PAAF1: variants seen among roughly 807,000 people sequenced by gnomAD.
PAAF1 encodes proteasomal ATPase-associated factor 1.
A neutral mutation model predicts 52.8 loss-of-function variants in PAAF1; 46 were observed. The ratio of observed to expected loss-of-function variants is 0.87; its 90% CI spans 0.69 to 1.11. PAAF1 has a LOEUF of 1.11. Ranked by LOEUF, PAAF1 falls within the 50% of genes most tolerant of loss-of-function variation. The pLI is 0.00. For synonymous variants in PAAF1, 178 were observed against 172.8 expected (o/e 1.03, Z -0.24); for missense variants, 424 against 477.4 (o/e 0.89, Z 1.04).
rs1184660754 is a variant in PAAF1 at position 73,928,472 on chromosome 11, A to G, written c.*1110A>G. 1 of 152,216 alleles carries G rather than the reference A, an allele frequency of 6.6e-6. No homozygotes were observed. Among genetic ancestry groups the G allele is most frequent in the Non-Finnish European group, 1.5e-5 (1 of 68,046 alleles). 9.4% of individuals were successfully genotyped at this position (152,216 alleles called of 1,614,324 possible). A position where few individuals can be genotyped will look rare whatever the true frequency, so the allele number is the denominator to read the frequency against. ...TTTCTCTAAACATAAAAATGGAATC[A>G]TAATGTATGTATTCCATGGCTTATT... On this transcript the variant is annotated 3_prime_UTR_variant, in exon 12 of 12. Transcript: ENST00000310571.
intron 7 of PAAF1, among the ~76,000 whole-genome samples, chr11:73,911,081 C>T (rs893473589): frequency 6.6e-6 from 1 of 152,028 alleles, no homozygotes; most frequent in African/African-American, 2.4e-5. Flanking sequence ...TCAATATCCC[C>T]CACCAGAGTG....
rs1565155191 is a variant in PAAF1, at chr11:73,924,601, T to C, written c.1019-14T>C. The C allele has an allele frequency of 6.2e-7, 1 of 1,610,336 alleles. No individual in the cohort carries two copies. On this transcript the variant is annotated splice_polypyrimidine_tract_variant and intron_variant, in intron 10 of 11. Transcript: ENST00000310571. ...TTTTCTCTTAGTTATATGAATTTTC[T>C]TTCTGCCTTTCAGGTGATGGAAGCT...
chr11:73,900,981 CAAAAAAAAAAAAAAAAAAAAA>C (rs5792636), intron 6 of PAAF1, among the ~76,000 whole-genome samples: 1 of 59,536 alleles, frequency 1.7e-5, no homozygotes, highest in Non-Finnish European at 3.1e-5. Flanking sequence ...GACTCCGTCT[CAAAAAAAAAAAAAAAAAAAAA>C]AAAAAAAAAA....
intron 2 of PAAF1, among the ~76,000 whole-genome samples, chr11:73,885,731 A>G (rs1407688613): frequency 6.6e-6 from 1 of 151,498 alleles, no homozygotes. Flanking sequence ...AATCCCAGGT[A>G]CTTGGGAGGC....
In PAAF1 at chr11:73,891,125, T is replaced by C. The variant is rs1167160826; in HGVS notation, c.206T>C (p.Ile69Thr). The C allele has an allele frequency of 1.3e-6, 2 of 1,594,584 alleles. No homozygotes were observed. Among genetic ancestry groups the C allele is most frequent in the Admixed American group, 1.7e-5 (1 of 59,398 alleles). ...VNEINKKSIH[I>T]SCPKENASSK... is the part of the protein sequence containing the mutation. The stretch of plus-strand genomic sequence containing the variant: ...CTCTTTGTTTAGAAAAGCATTCATA[T>C]TTCATGTCCAAAGGAAAATGCATCT... Residue 69 changes from isoleucine (I) to threonine (T), a missense_variant, in exon 4 of 12, where the codon ATT becomes ACT. Coordinates refer to ENST00000310571, the MANE Select transcript of PAAF1 (RefSeq NM_025155.3).
chr11:73,882,156 C>T (rs1001681966), intron 2 of PAAF1, among the ~76,000 whole-genome samples: 1 of 151,966 alleles, frequency 6.6e-6, no homozygotes, highest in African/African-American at 2.4e-5. Flanking sequence ...GCTGGGATTA[C>T]AGGCGTGAGC....
At chr11:73,891,602 CCT>C (rs753466853) in intron 4 of PAAF1, among the ~76,000 whole-genome samples, 3 of 151,552 alleles carry the variant, frequency 2.0e-5, no homozygotes, top group Non-Finnish European at 4.4e-5. Flanking sequence ...AGAGTGAAAC[CCT>C]GTCTCCACAA....
chr11:73,921,625 G>T, intron 10 of PAAF1: 1 of 674,642 alleles, frequency 1.5e-6, no homozygotes, highest in South Asian at 1.4e-5. Context: ...GCTGCCCAGG[G>T]CTCTGGAGAT....
At chr11:73,903,662 A>C (rs1949684297) in intron 6 of PAAF1, among the ~76,000 whole-genome samples, 2 of 151,294 alleles carry the variant, frequency 1.3e-5, no homozygotes. Context: ...GGTTGCAGTG[A>C]GCTGAGATCA....
chr11:73,883,329 A>G (rs1020120978), intron 2 of PAAF1, among the ~76,000 whole-genome samples: 1 of 152,072 alleles, frequency 6.6e-6, no homozygotes, highest in Non-Finnish European at 1.5e-5. Context: ...GTTACTTTAC[A>G]TATATTATTT....
chr11:73,883,921 A>G (rs1166532116), intron 2 of PAAF1, among the ~76,000 whole-genome samples: 2 of 152,148 alleles, frequency 1.3e-5, no homozygotes, highest in Non-Finnish European at 2.9e-5. Context: ...ATTAATGGAC[A>G]CATATTTCTA....
chr11:73,917,377 T>C lies in PAAF1; in HGVS notation c.935+717T>C, dbSNP rs145695943. Among the ~76,000 whole-genome samples the C allele has an allele frequency of 2.4e-3, 373 of 152,318 alleles. 2 individuals are homozygous for C. Among genetic ancestry groups the C allele is most frequent in the African/African-American group, 8.2e-3 (342 of 41,576 alleles). On this transcript the variant is annotated intron_variant, in intron 9 of 11. Transcript: ENST00000310571. Reference sequence around the variant, plus strand: ...TCTGTTAGTTATGTAGTTTTGATCATGACCTTTCTAAACAGGCTTTTCTTT... The same window carrying C: ...TCTGTTAGTTATGTAGTTTTGATCACGACCTTTCTAAACAGGCTTTTCTTT...
Position 73,899,161 on chromosome 11 carries a change from A to G in PAAF1, c.298A>G (p.Ile100Val). 6.2e-7 allele frequency: 1 copy of G among 1,613,982 alleles called. No homozygotes were observed. The highest frequency in any genetic ancestry group is 8.5e-7 in the Non-Finnish European group (1 of 1,179,896). ...CTTTGAACAGATAACATGCCTGGAC[A>G]TTTCCAGCAGAGGAGGTCTTGGTGT... ...IHTKSITCLD[I>V]SSRGGLGVSS... is the part of the protein sequence containing the mutation. The change falls in exon 5 of 12, where the codon ATT (isoleucine) becomes GTT (valine). Residue 100 changes from isoleucine (I) to valine (V), a missense_variant. By Grantham distance (29) the Ile-to-Val change is conservative. Transcript: ENST00000310571.
At chr11:73,899,442 TGCTG>T in intron 5 of PAAF1, among the ~76,000 whole-genome samples, 198 bp downstream of exon 5, 1 of 148,522 alleles carries the variant, frequency 6.7e-6, no homozygotes. Flanking sequence ...GAGACAGTCT[TGCTG>T]TGTTGCCCAG....
intron 7 of PAAF1, among the ~76,000 whole-genome samples, chr11:73,914,197 A>C (rs1352831913): frequency 6.6e-6 from 1 of 152,238 alleles, no homozygotes; most frequent in African/African-American, 2.4e-5. Context: ...ATGTAAAAGT[A>C]AAGTCAGTAT....
chr11:73,882,531 C>G (rs1236248718), intron 2 of PAAF1, among the ~76,000 whole-genome samples: 1 of 151,882 alleles, frequency 6.6e-6, no homozygotes, highest in Non-Finnish European at 1.5e-5. Flanking sequence ...ACTGCAACCT[C>G]CACCTCCTGG....
intron 10 of PAAF1, chr11:73,922,155 G>A (rs1950235753): frequency 1.1e-6 from 1 of 915,578 alleles, no homozygotes; most frequent in Non-Finnish European, 1.7e-6. Flanking sequence ...AATGAGTTCA[G>A]TGTCAGGATC....
intron 10 of PAAF1, among the ~76,000 whole-genome samples, chr11:73,922,767 A>C (rs1191297546): frequency 2.0e-5 from 3 of 149,200 alleles, no homozygotes; most frequent in Non-Finnish European, 4.4e-5. Flanking sequence ...CAGTGAGCCG[A>C]GATCGCGCCA....
chr11:73,924,124 G>A (rs1485844056), intron 10 of PAAF1, among the ~76,000 whole-genome samples: 1 of 152,098 alleles, frequency 6.6e-6, no homozygotes, highest in African/African-American at 2.4e-5. Flanking sequence ...ATCCAGCCCA[G>A]CTCAGCATTC....
Sources: allele counts gnomAD v4.1 joint callset (sites outside exome capture counted in the v4.1 genomes callset), GRCh38; gene constraint gnomAD v4.1.1; transcripts MANE v1.5; gene names NCBI Gene and HGNC (gene_info 2026-07-23, HGNC 2026-07-21).